STXBP4: variants seen among roughly 807,000 people sequenced by gnomAD.
STXBP4 encodes the protein syntaxin-binding protein 4.
Under a neutral mutation model 76.1 loss-of-function variants are expected in STXBP4, and 55 were observed. The ratio of observed to expected loss-of-function variants is 0.72; its 90% CI spans 0.58 to 0.91. The LOEUF (loss-of-function observed/expected upper bound fraction) is 0.91. Ranked by LOEUF, STXBP4 falls within the 40% of genes least tolerant of loss-of-function variation. The pLI is 0.00. For synonymous variants in STXBP4, 201 were observed against 220.2 expected, an observed-to-expected ratio of 0.91 and a Z score of 0.77; for missense variants, 618 against 636.9, an observed-to-expected ratio of 0.97 and a Z score of 0.32.
At chr17:55,000,012 CAT>C (rs1414746312) in intron 6 of STXBP4, among the ~76,000 whole-genome samples, 170 bp downstream of exon 6, 1 of 152,104 alleles carries the variant, frequency 6.6e-6, no homozygotes, top group Non-Finnish European at 1.5e-5. Flanking sequence ...TTTCAATAAA[CAT>C]ATTTTAAGTC....
chr17:55,185,865 A>C, the STXBP4 span, among the ~76,000 whole-genome samples: 1 of 152,236 alleles, frequency 6.6e-6, no homozygotes, highest in Admixed American at 6.5e-5. Flanking sequence ...TGAACTGAGC[A>C]GAGGAACGTC....
At chr17:55,090,716 A>C (rs146295169) in intron 16 of STXBP4, among the ~76,000 whole-genome samples, 1 of 152,288 alleles carries the variant, frequency 6.6e-6, no homozygotes, top group East Asian at 1.9e-4. Flanking sequence ...AAGGTCCACA[A>C]ATAAAGCCAG....
the STXBP4 span, among the ~76,000 whole-genome samples, chr17:55,193,709 A>G: frequency 6.7e-5 from 10 of 150,296 alleles, 1 homozygote; most frequent in Admixed American, 3.4e-4. Context: ...TCTAAATATC[A>G]CTTCAAAAAT....
At chr17:55,024,389 C>T (rs1383551644) in intron 8 of STXBP4, among the ~76,000 whole-genome samples, 2 of 152,214 alleles carry the variant, frequency 1.3e-5, no homozygotes, top group African/African-American at 4.8e-5. Context: ...TAGAATTGTA[C>T]TTTCCCATGT....
intron 16 of STXBP4, among the ~76,000 whole-genome samples, chr17:55,106,733 TG>T (rs202199771): frequency 0.022 from 3,317 of 152,326 alleles, 47 homozygotes; most frequent in Non-Finnish European, 0.033. Flanking sequence ...TTAGTTTGGC[TG>T]GATATGAAAT....
At chr17:55,033,428 C>T (rs1347497846) in intron 9 of STXBP4, among the ~76,000 whole-genome samples, 2 of 151,910 alleles carry the variant, frequency 1.3e-5, no homozygotes, top group African/African-American at 2.4e-5. Flanking sequence ...GGTAAACTCT[C>T]ATAACATCTT....
At chr17:55,090,607 A>C (rs1372342781) in intron 16 of STXBP4, among the ~76,000 whole-genome samples, 1 of 152,176 alleles carries the variant, frequency 6.6e-6, no homozygotes, top group Non-Finnish European at 1.5e-5. Flanking sequence ...AAAAATGTAT[A>C]ACATATATAA....
chr17:55,097,830 T>C (rs569008852), intron 16 of STXBP4, among the ~76,000 whole-genome samples: 3 of 152,220 alleles, frequency 2.0e-5, no homozygotes, highest in Admixed American at 6.5e-5. Flanking sequence ...TATGGCATAA[T>C]AGATTTGGCT....
the STXBP4 span, among the ~76,000 whole-genome samples, chr17:55,180,382 A>T: frequency 1.3e-5 from 2 of 152,226 alleles, no homozygotes; most frequent in South Asian, 4.1e-4. Flanking sequence ...GGAACTTTCA[A>T]GTCCACTGGT....
the STXBP4 span, among the ~76,000 whole-genome samples, chr17:55,196,491 G>A: frequency 8.5e-5 from 13 of 152,174 alleles, no homozygotes; most frequent in African/African-American, 3.1e-4. Flanking sequence ...CATTCACCCA[G>A]TTGAACTTGT....
intron 16 of STXBP4, among the ~76,000 whole-genome samples, chr17:55,130,338 A>ATTTCT (rs2079961096): frequency 6.6e-6 from 1 of 152,192 alleles, no homozygotes; most frequent in African/African-American, 2.4e-5. Context: ...AACAGTAGAA[A>ATTTCT]ACTGTTGCTA....
At chr17:55,112,071 A>G (rs116704225) in intron 16 of STXBP4, among the ~76,000 whole-genome samples, 1,923 of 142,878 alleles carry the variant, frequency 0.013, 37 homozygotes, top group African/African-American at 0.049. Flanking sequence ...GCACAACACC[A>G]CACCCAGCTA....
chr17:54,985,893 T>A (rs1329309469), intron 2 of STXBP4, among the ~76,000 whole-genome samples: 1 of 152,210 alleles, frequency 6.6e-6, no homozygotes, highest in Non-Finnish European at 1.5e-5. Flanking sequence ...ATGAAGATGT[T>A]ATATAGATAT....
At chr17:55,106,471 A>G (rs2079636484) in intron 16 of STXBP4, among the ~76,000 whole-genome samples, 1 of 152,068 alleles carries the variant, frequency 6.6e-6, no homozygotes, top group Non-Finnish European at 1.5e-5. Flanking sequence ...TTTAAGGTTA[A>G]TATTGTTATG....
intron 7 of STXBP4, among the ~76,000 whole-genome samples, chr17:55,003,648 GTAAT>G (rs1247158541): frequency 6.6e-6 from 1 of 152,156 alleles, no homozygotes; most frequent in Non-Finnish European, 1.5e-5. Flanking sequence ...AAAAGTAAAT[GTAAT>G]TAGATAGTTC....
intron 16 of STXBP4, among the ~76,000 whole-genome samples, chr17:55,086,262 T>C (rs2079327052): frequency 6.6e-6 from 1 of 152,164 alleles, no homozygotes; most frequent in African/African-American, 2.4e-5. Context: ...TTAAATTTTA[T>C]TTTCAATTGA....
At chr17:55,073,467 G>A (rs149194549) in intron 13 of STXBP4, among the ~76,000 whole-genome samples, 5 of 152,270 alleles carry the variant, frequency 3.3e-5, no homozygotes, top group East Asian at 1.9e-4. Context: ...GAGCATTCAA[G>A]GAAGTATTAA....
At chr17:55,024,997 C>T (rs1374725085) in intron 8 of STXBP4, among the ~76,000 whole-genome samples, 3 of 151,864 alleles carry the variant, frequency 2.0e-5, no homozygotes, top group Non-Finnish European at 2.9e-5. Context: ...AAAAATTAGC[C>T]GGGCATGGTG....
the STXBP4 span, among the ~76,000 whole-genome samples, chr17:55,209,891 A>G: frequency 3.3e-5 from 5 of 152,158 alleles, no homozygotes; most frequent in African/African-American, 1.2e-4. Context: ...GAGCTTCACC[A>G]AGAGGCAGGC....
Sources: allele counts gnomAD v4.1 joint callset (sites outside exome capture counted in the v4.1 genomes callset), GRCh38; gene constraint gnomAD v4.1.1; transcripts MANE v1.5; gene names NCBI Gene and HGNC (gene_info 2026-07-23, HGNC 2026-07-21).